The following CFLAR variants were observed in gnomAD, a reference collection of about 807,000 sequenced individuals.
CFLAR encodes the protein CASP8 and FADD like apoptosis regulator, also known as CASP8 and FADD-like apoptosis regulator.
CFLAR carries 14 observed loss-of-function variants against 51.1 expected under a neutral mutation model. That is an observed-to-expected ratio of 0.27 (90% CI 0.18 to 0.43). The LOEUF is 0.43. Among genes scored for constraint, CFLAR ranks in the 20% least tolerant of loss-of-function variants. CFLAR has a pLI of 1.00. For missense variants in CFLAR, 390 were observed against 566.5 expected, an observed-to-expected ratio of 0.69 and a Z score of 3.16; for synonymous variants, 210 against 211.6, an observed-to-expected ratio of 0.99 and a Z score of 0.06.
At chr2:201,139,960 C>T in intron 4 of CFLAR, 2 of 219,464 alleles carry the variant, frequency 9.1e-6, no homozygotes, top group South Asian at 9.9e-5. Flanking sequence ...GGGCAACCCA[C>T]CCCTTCAGCG....
chr2:201,123,515 G>A (rs7583529), intron 1 of CFLAR, among the ~76,000 whole-genome samples: 42,231 of 151,850 alleles, frequency 0.28, 7,770 homozygotes, highest in African/African-American at 0.52. Flanking sequence ...AGGGCAAAAA[G>A]AGAAATAAAC....
At position 201,176,292 on chromosome 2, in the gene CFLAR, G is replaced by C. The variant is rs571848065; in HGVS notation, c.*12319G>C. On this transcript the variant is annotated 3_prime_UTR_variant, in exon 10 of 10. Transcript: ENST00000309955. ...GTTTTCTATTGCGGGGGGGGGGGGC[G>C]GGCGGGGGAGCTGCCTGTCCCTGGC... 1 of 76,342 alleles carries C rather than the reference G, an allele frequency of 1.3e-5. No individual in the cohort carries two copies. The highest frequency in any genetic ancestry group is 2.5e-5 in the Non-Finnish European group (1 of 39,894). The allele number at this position is 76,342 out of a possible 1,614,324, so 4.7% of individuals were successfully genotyped here.
At chr2:201,137,630 A>G in intron 4 of CFLAR, 2 of 757,546 alleles carry the variant, frequency 2.6e-6, no homozygotes, top group Non-Finnish European at 2.4e-6. Flanking sequence ...ACCGAAGGAC[A>G]GACAGGCTGT....
At chr2:201,123,429 G>A (rs1008408428) in intron 1 of CFLAR, among the ~76,000 whole-genome samples, 4 of 152,154 alleles carry the variant, frequency 2.6e-5, no homozygotes, top group African/African-American at 7.2e-5. Flanking sequence ...GCTGCTCCCC[G>A]CTTCCAATCT....
intron 8 of CFLAR, among the ~76,000 whole-genome samples, chr2:201,151,868 T>C (rs1941338928): frequency 1.3e-5 from 2 of 152,192 alleles, no homozygotes; most frequent in African/African-American, 2.4e-5. Context: ...TTCTGCATTA[T>C]AGGAGCATGA....
Position 201,169,987 on chromosome 2 carries a change from C to T in CFLAR, c.*6014C>T, listed in dbSNP as rs1174190755. On this transcript the variant is annotated 3_prime_UTR_variant, in exon 10 of 10. Coordinates refer to ENST00000309955, the MANE Select transcript of CFLAR (RefSeq NM_003879.7). Reference sequence around the variant, plus strand: ...TGGCGAGGCTGTGGAGAAGTAGGAACACTTTTACATTGTTGGTGGGAATGT... The same window carrying T: ...TGGCGAGGCTGTGGAGAAGTAGGAATACTTTTACATTGTTGGTGGGAATGT... 6.6e-6 allele frequency: 1 copy of T among 152,208 alleles called. No homozygotes were observed. The highest frequency in any genetic ancestry group is 2.4e-5 in the African/African-American group (1 of 41,470). The allele number at this position is 152,208 out of a possible 1,614,324, so 9.4% of individuals were successfully genotyped here. A position where few individuals can be genotyped will look rare whatever the true frequency, so the allele number is the denominator to read the frequency against.
chr2:201,176,278 C>CGGGGGGGG lies in CFLAR; in HGVS notation c.*12310_*12317dup, dbSNP rs150924424. ...GATCAGTCTCAGGTGTTTTCTATTGCGGGGGGGGGGGGCGGGCGGGGGAGC... is the reference window on the plus strand; with the variant it reads ...GATCAGTCTCAGGTGTTTTCTATTGCGGGGGGGGGGGGGGGGGGGGCGGGCGGGGGAGC... On this transcript the variant is annotated 3_prime_UTR_variant, in exon 10 of 10. Transcript: ENST00000309955. 5.3e-5 allele frequency: 2 copies of CGGGGGGGG among 37,718 alleles called. No individual in the cohort carries two copies. The highest frequency in any genetic ancestry group is 1.6e-4 in the African/African-American group (1 of 6,322). The allele number at this position is 37,718 out of a possible 1,614,324, so 2.3% of individuals were successfully genotyped here.
intron 5 of CFLAR, chr2:201,141,750 C>T (rs1938943280): frequency 1.4e-5 from 9 of 662,430 alleles, no homozygotes; most frequent in South Asian, 5.2e-5. Context: ...GTACTTAGTA[C>T]AAGGTATCGG....
chr2:201,122,416 A>C (rs966937402), intron 1 of CFLAR: 3 of 152,206 alleles, frequency 2.0e-5, no homozygotes, highest in Admixed American at 6.5e-5. Context: ...CACCAGCTCC[A>C]TCTTGCTTCA....
chr2:201,166,380 C>A lies in CFLAR; in HGVS notation c.*2407C>A. ...CTTCCCAGACAGGGTGGCTGTCGGG[C>A]GGAGGGGCTCCTCACTTCTCAGACG... On this transcript the variant is annotated 3_prime_UTR_variant, in exon 10 of 10. Transcript: ENST00000309955. 6.2e-6 allele frequency: 1 copy of A among 162,096 alleles called. No homozygotes were observed. Among genetic ancestry groups the A allele is most frequent in the Non-Finnish European group, 1.3e-5 (1 of 76,220 alleles). The allele number at this position is 162,096 out of a possible 1,614,324, so 10.0% of individuals were successfully genotyped here. A position where few individuals can be genotyped will look rare whatever the true frequency, so the allele number is the denominator to read the frequency against.
At chr2:201,159,078 A>G (rs1942672544) in intron 8 of CFLAR, among the ~76,000 whole-genome samples, 1 of 151,670 alleles carries the variant, frequency 6.6e-6, no homozygotes, top group East Asian at 1.9e-4. Context: ...GGGTTTCACC[A>G]TATTGGCCAG....
intron 1 of CFLAR, chr2:201,117,115 G>T (rs2047680212): frequency 6.6e-6 from 1 of 152,152 alleles, no homozygotes; most frequent in African/African-American, 2.4e-5. Context: ...GGGAGCCGCC[G>T]CCCTGGAGGG....
Position 201,138,409 on chromosome 2 carries a change from C to T in CFLAR, c.524-1948C>T. 1.3e-6 allele frequency: 1 copy of T among 787,938 alleles called. No individual in the cohort carries two copies. Among genetic ancestry groups the T allele is most frequent in the Non-Finnish European group, 2.3e-6 (1 of 432,258 alleles). The allele number at this position is 787,938 out of a possible 1,614,324, so 48.8% of individuals were successfully genotyped here. On this transcript the variant is annotated intron_variant, in intron 4 of 9. Transcript: ENST00000309955. The surrounding 1 kb of genome is among the most constrained non-coding windows in gnomAD (Gnocchi z 4.0). ...CGGTGCAGGTGATAATGGCCACCAG[C>T]TCATCGCGATCATTGACGATAGGCA...
intron 5 of CFLAR, among the ~76,000 whole-genome samples, chr2:201,143,868 A>T (rs1575772476): frequency 6.6e-6 from 1 of 152,270 alleles, no homozygotes; most frequent in East Asian, 1.9e-4. Context: ...AGGCCGAGGC[A>T]GGAGAATCAC....
At chr2:201,139,116 T>C in intron 4 of CFLAR, 2 of 376,980 alleles carry the variant, frequency 5.3e-6, no homozygotes, top group Non-Finnish European at 5.1e-6. Context: ...CGAGATGCTG[T>C]TAATCTGTAA....
chr2:201,129,387 A>T (rs931843973), intron 1 of CFLAR: 9 of 182,972 alleles, frequency 4.9e-5, no homozygotes, highest in African/African-American at 2.1e-4. Flanking sequence ...CTTCTTCCCT[A>T]TTCCTCCTAC....
chr2:201,169,069 T>C lies in CFLAR; in HGVS notation c.*5096T>C, dbSNP rs1373338526. 1 of 152,142 alleles carries C rather than the reference T, an allele frequency of 6.6e-6. No homozygotes were observed. The highest frequency in any genetic ancestry group is 6.5e-5 in the Admixed American group (1 of 15,268). The allele number at this position is 152,142 out of a possible 1,614,324, so 9.4% of individuals were successfully genotyped here. A position where few individuals can be genotyped will look rare whatever the true frequency, so the allele number is the denominator to read the frequency against. On this transcript the variant is annotated 3_prime_UTR_variant, in exon 10 of 10. Coordinates refer to ENST00000309955, the MANE Select transcript of CFLAR (RefSeq NM_003879.7). ...TTTATAGGTTCATTGCTATTCCCATTAAACTACTATTGACATTCTTCACAG... is the reference window on the plus strand; with the variant it reads ...TTTATAGGTTCATTGCTATTCCCATCAAACTACTATTGACATTCTTCACAG...
At chr2:201,130,180 T>A in intron 2 of CFLAR, 34 bp downstream of exon 2, 3 of 79,242 alleles carry the variant, frequency 3.8e-5, no homozygotes, top group Non-Finnish European at 8.4e-5. Flanking sequence ...GCTGGGTGGG[T>A]GGGAGGGAGT....
Position 201,152,411 on chromosome 2 carries a change from T to C in CFLAR, c.793+2576T>C, listed in dbSNP as rs190272283. Among the ~76,000 whole-genome samples, 4 of 152,262 alleles carry C rather than the reference T, an allele frequency of 2.6e-5. 1 individual carries two copies. The highest frequency in any genetic ancestry group is 5.9e-5 in the Non-Finnish European group (4 of 68,008). On this transcript the variant is annotated intron_variant, in intron 8 of 9. Coordinates refer to ENST00000309955, the MANE Select transcript of CFLAR (RefSeq NM_003879.7). ...TGGGTTAATAACAGGACCTACCTCA[T>C]AGGGAGGTTGGGCAGAATGAGAGTT...
Sources: allele counts gnomAD v4.1 joint callset (sites outside exome capture counted in the v4.1 genomes callset), GRCh38; gene constraint gnomAD v4.1.1; non-coding constraint Gnocchi (gnomAD v3.1); transcripts MANE v1.5; gene names NCBI Gene and HGNC (gene_info 2026-07-23, HGNC 2026-07-21).